Variants in GATAD2B observed in about 807,000 individuals in gnomAD.
The protein encoded by GATAD2B is GATA zinc finger domain containing 2B.
A neutral mutation model predicts 64.3 loss-of-function variants in GATAD2B; 8 were observed. The ratio of observed to expected loss-of-function variants is 0.12; its 90% CI spans 0.07 to 0.22. The LOEUF (loss-of-function observed/expected upper bound fraction) is 0.22, where lower values mean the gene tolerates loss of function less well. GATAD2B is among the 10% of genes least tolerant of loss of function. The pLI, the probability that GATAD2B is intolerant of heterozygous loss-of-function variation, is 1.00. For missense variants in GATAD2B, 453 were observed against 752.0 expected, an observed-to-expected ratio of 0.60 and a Z score of 4.65; for synonymous variants, 281 against 271.3, an observed-to-expected ratio of 1.04 and a Z score of -0.35.
intron 2 of GATAD2B, 63 bp downstream of exon 2, chr1:153,827,950 A>G (rs1674940063): frequency 3.4e-6 from 4 of 1,165,702 alleles, no homozygotes; most frequent in Non-Finnish European, 5.0e-6. Flanking sequence ...ATTGGAATTC[A>G]TTCCATTTTC....
At chr1:153,844,938 G>A (rs1244254841) in intron 1 of GATAD2B, among the ~76,000 whole-genome samples, 1 of 151,408 alleles carries the variant, frequency 6.6e-6, no homozygotes, top group Non-Finnish European at 1.5e-5. Flanking sequence ...TAACAGGCTT[G>A]CAAAGAGGCA....
chr1:153,914,799 G>A (rs1678214185), intron 1 of GATAD2B: 1 of 152,326 alleles, frequency 6.6e-6, no homozygotes, highest in African/African-American at 2.4e-5. Context: ...GCTTGGTGGT[G>A]TGTACCTGTG....
intron 1 of GATAD2B, among the ~76,000 whole-genome samples, chr1:153,891,574 TAAAAAAAAAAAAAAA>T (rs1163572311): frequency 2.0e-4 from 4 of 19,944 alleles, no homozygotes; most frequent in Non-Finnish European, 3.3e-4. Context: ...CTGTCTCGTT[TAAAAAAAAAAAAAAA>T]AAAAAAAAAG....
intron 7 of GATAD2B, among the ~76,000 whole-genome samples, chr1:153,814,715 C>T (rs1674394731): frequency 6.6e-6 from 1 of 152,092 alleles, no homozygotes; most frequent in Admixed American, 6.6e-5. Flanking sequence ...GTGGCTCATG[C>T]CTGTAACCAC....
chr1:153,861,807 T>C (rs1256776893), intron 1 of GATAD2B, among the ~76,000 whole-genome samples: 1 of 108,064 alleles, frequency 9.3e-6, no homozygotes, highest in South Asian at 3.2e-4. Context: ...TATATATATA[T>C]ATACACATAT....
chr1:153,822,743 C>T (rs1453233644), intron 2 of GATAD2B, among the ~76,000 whole-genome samples: 2 of 152,160 alleles, frequency 1.3e-5, no homozygotes, highest in Non-Finnish European at 2.9e-5. Context: ...GTGATCCGCC[C>T]GCCTCAGCCT....
chr1:153,844,935 C>T (rs1487343188), intron 1 of GATAD2B, among the ~76,000 whole-genome samples: 2 of 151,796 alleles, frequency 1.3e-5, no homozygotes, highest in East Asian at 3.8e-4. Context: ...GATTAACAGG[C>T]TTGCAAAGAG....
In GATAD2B at chr1:153,877,887, TAA is replaced by T. The variant is rs36032008; in HGVS notation, c.-2+44844_-2+44845del. Among the ~76,000 whole-genome samples the T allele has an allele frequency of 2.7e-3, 297 of 110,820 alleles. 1 individual carries two copies. Among genetic ancestry groups the T allele is most frequent in the South Asian group, 0.024 (88 of 3,644 alleles). The allele number at this position is 110,820 out of a possible 152,430, so 72.7% of individuals were successfully genotyped here. ...AGTGAGACTCCATCTCAAAAAAACT[TAA>T]AAAAAAAAAAAAAAAAGGGTAATTA... On this transcript the variant is annotated intron_variant, in intron 1 of 10. Coordinates refer to ENST00000368655, the MANE Select transcript of GATAD2B (RefSeq NM_020699.4).
At position 153,914,144 on chromosome 1, in the gene GATAD2B, G is replaced by A. The variant is rs1229701374; in HGVS notation, c.-2+8589C>T. 1.4e-5 allele frequency among the ~76,000 whole-genome samples: 2 copies of A among 144,956 alleles called. 1 individual carries two copies. Among genetic ancestry groups the A allele is most frequent in the African/African-American group, 5.2e-5 (2 of 38,620 alleles). Reference sequence around the variant, plus strand: ...TGTAATCCCAGCTACTGGGGAGGCTGACACAGGAGAATCGTTTGAACCCGG... The same window carrying A: ...TGTAATCCCAGCTACTGGGGAGGCTAACACAGGAGAATCGTTTGAACCCGG... On this transcript the variant is annotated intron_variant, in intron 1 of 10. Coordinates refer to ENST00000368655, the MANE Select transcript of GATAD2B (RefSeq NM_020699.4).
chr1:153,848,237 T>C (rs1174739688), intron 1 of GATAD2B, among the ~76,000 whole-genome samples: 1 of 152,202 alleles, frequency 6.6e-6, no homozygotes, highest in Non-Finnish European at 1.5e-5. Context: ...CCTATACTCA[T>C]TGTCTCTTTC....
chr1:153,845,413 C>G (rs1164292730), intron 1 of GATAD2B, among the ~76,000 whole-genome samples: 1 of 151,484 alleles, frequency 6.6e-6, no homozygotes, highest in Non-Finnish European at 1.5e-5. Context: ...AAATTCCAGC[C>G]TATGCAAAAT....
chr1:153,921,632 A>C (rs980034607), intron 1 of GATAD2B, among the ~76,000 whole-genome samples: 7 of 152,012 alleles, frequency 4.6e-5, no homozygotes, highest in African/African-American at 1.7e-4. Context: ...CCCCCAAATA[A>C]GCATTTATCA....
intron 10 of GATAD2B, among the ~76,000 whole-genome samples, chr1:153,811,060 C>A (rs2101874377): frequency 6.6e-6 from 1 of 152,254 alleles, no homozygotes; most frequent in Middle Eastern, 3.4e-3. Flanking sequence ...CCACCACGCC[C>A]AGCCAATTTT....
chr1:153,863,355 G>A (rs909328299), intron 1 of GATAD2B, among the ~76,000 whole-genome samples: 1 of 151,784 alleles, frequency 6.6e-6, no homozygotes, highest in African/African-American at 2.4e-5. Context: ...AATTAGCTGG[G>A]CGTGGTGGTG....
At position 153,828,177 on chromosome 1, in the gene GATAD2B, A is replaced by G; in HGVS notation, c.171T>C (p.Leu57=). The G allele has an allele frequency of 1.2e-6, 2 of 1,614,162 alleles. No homozygotes were observed. Among genetic ancestry groups the G allele is most frequent in the Non-Finnish European group, 1.7e-6 (2 of 1,180,034 alleles). Residue 57 remains leucine (L), a synonymous_variant, in exon 2 of 11, where the codon CTT becomes CTC. Coordinates refer to ENST00000368655, the MANE Select transcript of GATAD2B (RefSeq NM_020699.4). ...ALLKRKDLAN[L]EVPHELPTKQ... ...TGGTGGGTAACTCATGTGGCACCTC[A>G]AGATTTGCCAAATCCTTCCTTTTGA...
chr1:153,847,828 TTC>T (rs1274556346), intron 1 of GATAD2B, among the ~76,000 whole-genome samples: 3 of 152,206 alleles, frequency 2.0e-5, no homozygotes, highest in Middle Eastern at 3.2e-3. Flanking sequence ...CTATGCTGCA[TTC>T]TGTGTAATTT....
In GATAD2B at chr1:153,818,925, A is replaced by G; in HGVS notation, c.466-3T>C. 6.2e-7 allele frequency: 1 copy of G among 1,608,654 alleles called. No individual in the cohort carries two copies. The highest frequency in any genetic ancestry group is 1.1e-5 in the South Asian group (1 of 91,008). ...TGCCGCTCCTCAATGCCTTTCCCCT[A>G]AGGAAACAAGAAGACTTTCAGCTAT... is the stretch of plus-strand genomic sequence containing the variant. On this transcript the variant is annotated splice_polypyrimidine_tract_variant and splice_region_variant and intron_variant, in intron 3 of 10. Coordinates refer to ENST00000368655, the MANE Select transcript of GATAD2B (RefSeq NM_020699.4).
intron 1 of GATAD2B, among the ~76,000 whole-genome samples, chr1:153,833,166 C>T (rs535041248): frequency 1.3e-5 from 2 of 152,250 alleles, no homozygotes; most frequent in South Asian, 4.1e-4. Context: ...ATGATTGCAC[C>T]TGTGAATAGC....
At chr1:153,861,809 T>TATACACAC (rs1294838675) in intron 1 of GATAD2B, among the ~76,000 whole-genome samples, 2 of 122,184 alleles carry the variant, frequency 1.6e-5, no homozygotes, top group African/African-American at 6.0e-5. Context: ...TATATATATA[T>TATACACAC]ACACATATGT....
Sources: gnomAD v4.1 joint callset for allele counts (sites outside exome capture counted in the v4.1 genomes callset) on GRCh38, gnomAD v4.1.1 for gene constraint, MANE v1.5 for transcripts, NCBI Gene and HGNC (gene_info 2026-07-23, HGNC 2026-07-21) for gene names.